The following OR1L8 variants were observed in gnomAD, a reference collection of about 807,000 sequenced individuals.
OR1L8 encodes the protein olfactory receptor family 1 subfamily L member 8.
For missense variants in OR1L8, 330 were observed against 377.4 expected (o/e 0.87, Z 1.04); for synonymous variants, 148 against 147.0 (o/e 1.01, Z -0.05).
intron 1 of OR1L8, among the ~76,000 whole-genome samples, chr9:122,582,027 T>C (rs1829744811): frequency 6.6e-6 from 1 of 152,132 alleles, no homozygotes; most frequent in Admixed American, 6.5e-5. Context: ...GAGGAGATCA[T>C]GGTATTGGAG....
intron 1 of OR1L8, among the ~76,000 whole-genome samples, chr9:122,581,195 G>A (rs1230974529): frequency 2.0e-5 from 3 of 151,474 alleles, no homozygotes; most frequent in Non-Finnish European, 2.9e-5. Flanking sequence ...CTGAAACCCC[G>A]TCTCTACTAA....
At chr9:122,583,256 A>G (rs1829760009) in intron 1 of OR1L8, 65 bp downstream of exon 1, 1 of 151,866 alleles carries the variant, frequency 6.6e-6, no homozygotes, top group Admixed American at 6.6e-5. Flanking sequence ...ATATTTCATC[A>G]ATATTCCTTA....
At chr9:122,551,683 A>G in the OR1L8 span, among the ~76,000 whole-genome samples, 1 of 152,046 alleles carries the variant, frequency 6.6e-6, no homozygotes, top group Non-Finnish European at 1.5e-5. Flanking sequence ...TGGGAAAGAG[A>G]GGTCCTCAGC....
Position 122,576,894 on chromosome 9 carries a change from T to C in OR1L8, c.-470A>G, listed in dbSNP as rs1038671767. On this transcript the variant is annotated 5_prime_UTR_variant, in exon 3 of 5. Transcript: ENST00000641027. Reference sequence around the variant, plus strand: ...GGGTTGCCGTGTGACCTCACTTCTCTGATGGATCTAAAAAGAATGTTGATT... The same window carrying C: ...GGGTTGCCGTGTGACCTCACTTCTCCGATGGATCTAAAAAGAATGTTGATT... The C allele has an allele frequency of 1.3e-5, 2 of 152,242 alleles. No individual in the cohort carries two copies. The highest frequency in any genetic ancestry group is 4.8e-5 in the African/African-American group (2 of 41,460). The allele number at this position is 152,242 out of a possible 1,614,324, so 9.4% of individuals were successfully genotyped here.
chr9:122,560,910 C>T, the OR1L8 span, among the ~76,000 whole-genome samples: 78 of 152,254 alleles, frequency 5.1e-4, no homozygotes, highest in East Asian at 0.011. Context: ...AGATAATATC[C>T]TGAAGTGTGT....
intron 3 of OR1L8, among the ~76,000 whole-genome samples, chr9:122,573,953 C>T (rs943449915): frequency 6.6e-6 from 1 of 152,076 alleles, no homozygotes; most frequent in Non-Finnish European, 1.5e-5. Context: ...GGTATGTGGA[C>T]GTCCAGATAA....
the OR1L8 span, among the ~76,000 whole-genome samples, chr9:122,547,828 T>A: frequency 6.6e-6 from 1 of 152,208 alleles, no homozygotes; most frequent in Non-Finnish European, 1.5e-5. Flanking sequence ...AATTGCTGGA[T>A]CAAATGATAG....
At position 122,567,780 on chromosome 9, in the gene OR1L8, G is replaced by T. The variant is rs201745229; in HGVS notation, c.698C>A (p.Ser233Tyr). ...LTTVLKIPST[S>Y]GKRKAFSTCG... ...GGTGGAGAAGGCTTTGCGTTTCCCAGAAGTAGAGGGAATCTTGAGAACTGT... is the reference window on the plus strand; with the variant it reads ...GGTGGAGAAGGCTTTGCGTTTCCCATAAGTAGAGGGAATCTTGAGAACTGT... The change falls in exon 5 of 5, where the codon TCT becomes TAT. Residue 233 changes from serine to tyrosine, a missense_variant. By Grantham distance (144) the Ser-to-Tyr change is moderately radical (BLOSUM62 -2). Coordinates refer to ENST00000641027, the MANE Select transcript of OR1L8 (RefSeq NM_001004454.2). 32 of 1,613,992 alleles carry T rather than the reference G, an allele frequency of 2.0e-5. No individual in the cohort carries two copies. In the African/African-American group the frequency reaches 3.2e-4, roughly 16 times the overall value.
At chr9:122,582,560 TA>T (rs5900535) in intron 1 of OR1L8, among the ~76,000 whole-genome samples, 10 of 149,332 alleles carry the variant, frequency 6.7e-5, no homozygotes, top group African/African-American at 2.2e-4. Flanking sequence ...TGCACAAAAT[TA>T]AAAAAAAAAT....
At chr9:122,553,994 G>A in the OR1L8 span, 6 of 1,613,728 alleles carry the variant, frequency 3.7e-6, no homozygotes, top group Non-Finnish European at 5.1e-6. Flanking sequence ...TTATGGGTGT[G>A]TATTTACTTC....
the OR1L8 span, chr9:122,553,975 A>G: frequency 3.6e-5 from 58 of 1,613,168 alleles, no homozygotes; most frequent in African/African-American, 1.3e-4. Context: ...CTGCTCTTCT[A>G]TGGGTCTCTT....
At chr9:122,555,516 C>T in the OR1L8 span, among the ~76,000 whole-genome samples, 5 of 152,142 alleles carry the variant, frequency 3.3e-5, no homozygotes, top group African/African-American at 4.8e-5. Flanking sequence ...AATATCTCTC[C>T]TCTTTGGGAA....
rs1826803492 is a variant in OR1L8 at position 122,568,154 on chromosome 9, C to T, written c.324G>A (p.Leu108=). The part of the protein sequence containing the change: ...CLTQMYFLYA[L]GNSDSCLLAV... ...CCAGAAGGCAGCTGTCACTGTTGCC[C>T]AAGGCATAGAGAAAATACATCTGTG... Residue 108 remains leucine (L), a synonymous_variant, in exon 5 of 5, where the codon TTG becomes TTA. Coordinates refer to ENST00000641027, the MANE Select transcript of OR1L8 (RefSeq NM_001004454.2). 1.9e-6 allele frequency: 3 copies of T among 1,614,108 alleles called. No homozygotes were observed. Among genetic ancestry groups the T allele is most frequent in the Non-Finnish European group, 2.5e-6 (3 of 1,179,990 alleles).
chr9:122,574,781 A>G lies in OR1L8; in HGVS notation c.-341-1873T>C, dbSNP rs193207703. Among the ~76,000 whole-genome samples, 553 of 152,194 alleles carry G rather than the reference A, an allele frequency of 3.6e-3. 1 individual carries two copies. Among genetic ancestry groups the G allele is most frequent in the Non-Finnish European group, 6.2e-3 (422 of 67,948 alleles). ...TATCTTGTTCCTGAATGTAATGGGAAAGCTCCTAGTTTCTCGCCATCATGT... is the reference window on the plus strand; with the variant it reads ...TATCTTGTTCCTGAATGTAATGGGAGAGCTCCTAGTTTCTCGCCATCATGT... On this transcript the variant is annotated intron_variant, in intron 3 of 4. Coordinates refer to ENST00000641027, the MANE Select transcript of OR1L8 (RefSeq NM_001004454.2).
At chr9:122,556,685 GAAAAA>G in the OR1L8 span, among the ~76,000 whole-genome samples, 1 of 150,580 alleles carries the variant, frequency 6.6e-6, no homozygotes, top group Non-Finnish European at 1.5e-5. Flanking sequence ...AAATTTAAAA[GAAAAA>G]AAAAGTAAGT....
At chr9:122,563,115 T>C (rs1829377536), downstream of OR1L8, among the ~76,000 whole-genome samples, 1 of 152,172 alleles carries the variant, frequency 6.6e-6, no homozygotes, top group Non-Finnish European at 1.5e-5. Context: ...ATAATGGATG[T>C]ACTAATTTAT....
At chr9:122,582,194 T>C (rs1031565442) in intron 1 of OR1L8, among the ~76,000 whole-genome samples, 8 of 152,204 alleles carry the variant, frequency 5.3e-5, no homozygotes, top group African/African-American at 1.9e-4. Flanking sequence ...TGAGAAGTGT[T>C]GCGTTTTTGA....
chr9:122,547,601 T>A, the OR1L8 span, among the ~76,000 whole-genome samples: 1 of 151,156 alleles, frequency 6.6e-6, no homozygotes, highest in African/African-American at 2.4e-5. Flanking sequence ...TTTCATTTTT[T>A]ATGGCTGAGT....
the OR1L8 span, among the ~76,000 whole-genome samples, chr9:122,559,488 T>C: frequency 2.0e-5 from 3 of 152,122 alleles, no homozygotes; most frequent in African/African-American, 7.2e-5. Context: ...CTCTTAACAC[T>C]GCTTTAGCTG....
Sources: allele counts gnomAD v4.1 joint callset (sites outside exome capture counted in the v4.1 genomes callset), GRCh38; gene constraint gnomAD v4.1.1; transcripts MANE v1.5; gene names NCBI Gene and HGNC (gene_info 2026-07-23, HGNC 2026-07-21).